CACNA1C: variants seen among roughly 807,000 people sequenced by gnomAD.
CACNA1C encodes voltage-dependent L-type calcium channel subunit alpha-1C.
CACNA1C carries 30 observed loss-of-function variants against 229.0 expected under a neutral mutation model. The observed-to-expected ratio is 0.13, with a 90% CI of 0.10 to 0.18. The LOEUF (loss-of-function observed/expected upper bound fraction) is 0.18, where lower values mean the gene tolerates loss of function less well. Ranked by LOEUF, CACNA1C falls within the 10% of genes least tolerant of loss-of-function variation. The pLI, the probability that CACNA1C is intolerant of heterozygous loss-of-function variation, is 1.00. For synonymous variants in CACNA1C, 1,114 were observed against 1,132.5 expected (o/e 0.98, Z 0.33); for missense variants, 1,658 against 2,845.0 (o/e 0.58, Z 9.49).
At chr12:1,989,199 C>G (rs573280257) in intron 1 of CACNA1C, among the ~76,000 whole-genome samples, 10 of 152,188 alleles carry the variant, frequency 6.6e-5, no homozygotes, top group African/African-American at 2.2e-4. Context: ...GCCTGGGAAA[C>G]ACAGCAAGAT....
chr12:2,316,220 A>AAATTTAAT (rs1295364667), intron 3 of CACNA1C, among the ~76,000 whole-genome samples: 1 of 152,244 alleles, frequency 6.6e-6, no homozygotes, highest in Non-Finnish European at 1.5e-5. Context: ...GAACAGTTAA[A>AAATTTAAT]AATTTAATTC....
At chr12:2,418,532 G>GT in intron 3 of CACNA1C, among the ~76,000 whole-genome samples, 1 of 152,338 alleles carries the variant, frequency 6.6e-6, no homozygotes, top group African/African-American at 2.4e-5. Context: ...GAGGAGATGA[G>GT]TGTTTGAGTG....
chr12:2,313,903 T>G (rs2095555958), intron 3 of CACNA1C, among the ~76,000 whole-genome samples: 1 of 152,194 alleles, frequency 6.6e-6, no homozygotes, highest in South Asian at 2.1e-4. Context: ...AGGAAATAAT[T>G]ACCAGCAAAG....
At chr12:2,331,124 G>A (rs781226113) in intron 3 of CACNA1C, among the ~76,000 whole-genome samples, 3 of 152,102 alleles carry the variant, frequency 2.0e-5, no homozygotes, top group Non-Finnish European at 1.5e-5. Context: ...CAAAGGAGCC[G>A]TATGATACCC....
At chr12:2,444,374 A>G (rs2099257413) in intron 3 of CACNA1C, among the ~76,000 whole-genome samples, 1 of 152,148 alleles carries the variant, frequency 6.6e-6, no homozygotes, top group Non-Finnish European at 1.5e-5. Flanking sequence ...AGGTCCTGTA[A>G]CTTCTGCTGG....
intron 3 of CACNA1C, among the ~76,000 whole-genome samples, chr12:2,274,331 G>A (rs1051745087): frequency 7.2e-5 from 11 of 152,220 alleles, no homozygotes; most frequent in Admixed American, 7.2e-4. Flanking sequence ...ACCTGCTGAT[G>A]TTTCTGAGCT....
chr12:2,607,048 G>C lies in CACNA1C; in HGVS notation c.3274G>C (p.Glu1092Gln). 1 of 1,614,006 alleles carries C rather than the reference G, an allele frequency of 6.2e-7. No individual in the cohort carries two copies. Among genetic ancestry groups the C allele is most frequent in the Middle Eastern group, 1.6e-4 (1 of 6,062 alleles). The change falls in exon 26 of 47, where the codon GAG (glutamate) becomes CAG (glutamine). Residue 1092 changes from glutamate to glutamine, a missense_variant. Coordinates refer to ENST00000399655, the MANE Select transcript of CACNA1C (RefSeq NM_000719.7). ...CCCCATCATCCAACCCCGCAGCTGG[G>C]AGAACAGCAAGTTTGACTTTGACAA... ...DHPIIQPRSW[E>Q]NSKFDFDNVL...
At chr12:2,185,460 G>A (rs2154289200) in intron 3 of CACNA1C, among the ~76,000 whole-genome samples, 1 of 152,328 alleles carries the variant, frequency 6.6e-6, no homozygotes, top group East Asian at 1.9e-4. Flanking sequence ...TCTAGAATGT[G>A]ACTGCATTTG....
rs1373709531 is a variant in CACNA1C at position 2,479,623 on chromosome 12, C to T, written c.758-6481C>T. 2.6e-5 allele frequency among the ~76,000 whole-genome samples: 4 copies of T among 152,342 alleles called. No individual in the cohort carries two copies. Among genetic ancestry groups the T allele is most frequent in the South Asian group, 4.1e-4 (2 of 4,820 alleles). On this transcript the variant is annotated intron_variant, in intron 5 of 46. Transcript: ENST00000399655. The surrounding 1 kb of genome is among the most constrained non-coding windows in gnomAD (Gnocchi z 4.3). ...CAGTATGGCTTTCTCTTCCATTCTG[C>T]AAGGACAGCCAGTTCAAGTTAAGGA...
intron 3 of CACNA1C, among the ~76,000 whole-genome samples, chr12:2,158,034 T>TA (rs1170439430): frequency 3.3e-5 from 5 of 150,800 alleles, no homozygotes; most frequent in Middle Eastern, 3.5e-3. Flanking sequence ...AAATTAGGAG[T>TA]AAAAAAAATA....
chr12:2,610,706 C>A lies in CACNA1C; in HGVS notation c.3717+7C>A. 6.2e-7 allele frequency: 1 copy of A among 1,614,048 alleles called. No individual in the cohort carries two copies. The highest frequency in any genetic ancestry group is 8.5e-7 in the Non-Finnish European group (1 of 1,179,902). On this transcript the variant is annotated splice_region_variant and intron_variant, in intron 28 of 46. Coordinates refer to ENST00000399655, the MANE Select transcript of CACNA1C (RefSeq NM_000719.7). The stretch of plus-strand genomic sequence containing the variant: ...CATCTGCCTGGCCATGCAGGTCAGT[C>A]CCAGGAGGAGCACAGCCATGGTGCT...
intron 1 of CACNA1C, among the ~76,000 whole-genome samples, chr12:2,071,940 G>A (rs2154524451): frequency 6.6e-6 from 1 of 152,268 alleles, no homozygotes; most frequent in African/African-American, 2.4e-5. Flanking sequence ...CTGGAAATTT[G>A]AACCTGTGTT....
intron 5 of CACNA1C, among the ~76,000 whole-genome samples, chr12:2,466,923 C>T (rs1471342661): frequency 1.3e-5 from 2 of 152,080 alleles, no homozygotes; most frequent in Admixed American, 6.5e-5. Context: ...TGGACTTGGC[C>T]CTCATTCTCC....
At chr12:2,056,370 C>A (rs1215852005) in intron 1 of CACNA1C, among the ~76,000 whole-genome samples, 1 of 152,306 alleles carries the variant, frequency 6.6e-6, no homozygotes, top group East Asian at 1.9e-4. Flanking sequence ...GGTGCCCTGT[C>A]TGCTCTGGGC....
At chr12:2,314,852 G>C (rs1422753562) in intron 3 of CACNA1C, among the ~76,000 whole-genome samples, 34 of 152,100 alleles carry the variant, frequency 2.2e-4, no homozygotes, top group Admixed American at 2.2e-3. Flanking sequence ...GAATTGCTGG[G>C]TTGTAGGGTG....
At chr12:2,255,376 G>A (rs1033792758) in intron 3 of CACNA1C, among the ~76,000 whole-genome samples, 28 of 152,126 alleles carry the variant, frequency 1.8e-4, no homozygotes, top group African/African-American at 6.3e-4. Context: ...CATTCGGGGT[G>A]TGACAGGCAG....
intron 13 of CACNA1C, among the ~76,000 whole-genome samples, chr12:2,572,391 C>CTTCCTCCTT (rs2055496178): frequency 3.0e-5 from 2 of 67,718 alleles, no homozygotes; most frequent in African/African-American, 1.3e-4. Flanking sequence ...TCTTCCTCCT[C>CTTCCTCCTT]CTTCTTCTCT....
rs994200937 is a variant in CACNA1C at position 2,597,186 on chromosome 12, C to T, written c.2794-44C>T. The stretch of plus-strand genomic sequence containing the variant: ...ACCTCTCTTCCCGTCCTGCTTTTCT[C>T]CCTTCCCCATCCCATCCCCACCCTG... On this transcript the variant is annotated intron_variant, in intron 20 of 46. Transcript: ENST00000399655. The surrounding 1 kb of genome is among the most constrained non-coding windows in gnomAD (Gnocchi z 4.3). 7.8e-7 allele frequency: 1 copy of T among 1,287,456 alleles called. No individual in the cohort carries two copies. Among genetic ancestry groups the T allele is most frequent in the South Asian group, 1.2e-5 (1 of 82,088 alleles). The allele number at this position is 1,287,456 out of a possible 1,614,324, so 79.8% of individuals were successfully genotyped here.
intron 3 of CACNA1C, among the ~76,000 whole-genome samples, chr12:2,170,256 T>C (rs1023488327): frequency 6.6e-6 from 1 of 152,264 alleles, no homozygotes; most frequent in South Asian, 2.1e-4. Context: ...TCTTTTTCCA[T>C]GGTGTCATGG....
Sources: allele counts gnomAD v4.1 joint callset (sites outside exome capture counted in the v4.1 genomes callset), GRCh38; gene constraint gnomAD v4.1.1; non-coding constraint Gnocchi (gnomAD v3.1); transcripts MANE v1.5; gene names NCBI Gene and HGNC (gene_info 2026-07-23, HGNC 2026-07-21).